Variants in CASK observed in about 807,000 individuals in gnomAD.
The protein encoded by CASK is calcium/calmodulin dependent serine protein kinase, also known as peripheral plasma membrane protein CASK.
A neutral mutation model predicts 82.9 loss-of-function variants in CASK; 4 were observed. The observed-to-expected ratio is 0.05, with a 90% CI of 0.02 to 0.11. The LOEUF is 0.11. Ranked by LOEUF, CASK falls within the 10% of genes least tolerant of loss-of-function variation. The pLI is 1.00. For missense variants in CASK, 358 were observed against 720.9 expected, an observed-to-expected ratio of 0.50 and a Z score of 5.76; for synonymous variants, 259 against 253.5, an observed-to-expected ratio of 1.02 and a Z score of -0.20.
At chrX:41,846,609 T>C (rs1274223328) in intron 2 of CASK, among the ~76,000 whole-genome samples, 4 of 111,867 alleles carry the variant, frequency 3.6e-5, no homozygotes, top group African/African-American at 1.3e-4. Flanking sequence ...TATAACTGGA[T>C]TGTTTGTAAC....
At chrX:41,909,615 G>GT (rs1336989590) in intron 1 of CASK, among the ~76,000 whole-genome samples, 66 of 104,829 alleles carry the variant, frequency 6.3e-4, no homozygotes, top group Middle Eastern at 4.9e-3. Context: ...TTCTTGTTTT[G>GT]TTTTTTTTTT....
intron 26 of CASK, among the ~76,000 whole-genome samples, chrX:41,521,507 A>G (rs1569281546): frequency 8.9e-6 from 1 of 112,287 alleles, no homozygotes; most frequent in Admixed American, 9.4e-5. Flanking sequence ...GGGATCCAAC[A>G]GGAGGAGGGA....
In CASK at chrX:41,671,495, C is replaced by T. The variant is rs1394766051; in HGVS notation, c.465G>A (p.Ser155=). Residue 155 remains serine, a synonymous_variant, in exon 6 of 27, where the codon TCG becomes TCA. Coordinates refer to ENST00000378163, the MANE Select transcript of CASK (RefSeq NM_001367721.1). ...CAAAGCCTCCAAGTTTAACAGGTGC[C>T]GAGTTTTCTTTTGAGGCAAGGAGAA... The part of the protein sequence containing the change: ...HCVLLASKEN[S]APVKLGGFGV... 3.3e-6 allele frequency: 4 copies of T among 1,203,555 alleles called. No individual in the cohort carries two copies. The highest frequency in any genetic ancestry group is 2.2e-5 in the Admixed American group (1 of 45,465).
At chrX:41,891,571 T>C in intron 1 of CASK, among the ~76,000 whole-genome samples, 1 of 111,986 alleles carries the variant, frequency 8.9e-6, no homozygotes, top group East Asian at 2.8e-4. Flanking sequence ...AGTTAAAATA[T>C]TGAAGAGATA....
intron 10 of CASK, chrX:41,624,241 AT>A (rs745700430): frequency 5.8e-6 from 2 of 347,491 alleles, no homozygotes; most frequent in African/African-American, 5.2e-5. Flanking sequence ...AGGGAACAAA[AT>A]GGAGTGGAAG....
intron 1 of CASK, among the ~76,000 whole-genome samples, chrX:41,907,311 C>A (rs1310326902): frequency 8.9e-6 from 1 of 111,969 alleles, no homozygotes; most frequent in East Asian, 2.8e-4. Context: ...AACACTTTTG[C>A]CTGACCTTGC....
chrX:41,626,932 C>T (rs989548018), intron 9 of CASK, among the ~76,000 whole-genome samples: 25 of 111,824 alleles, frequency 2.2e-4, no homozygotes, highest in African/African-American at 7.5e-4. Context: ...AAACCACTTA[C>T]ATCTTGAATT....
intron 15 of CASK, chrX:41,571,096 C>T (rs190993151): frequency 8.9e-6 from 1 of 112,130 alleles, no homozygotes; most frequent in Non-Finnish European, 1.9e-5. Context: ...TTTACATCTA[C>T]ATTCATGAGG....
intron 2 of CASK, among the ~76,000 whole-genome samples, chrX:41,849,256 C>T (rs1442854996): frequency 1.8e-5 from 2 of 112,046 alleles, no homozygotes; most frequent in African/African-American, 6.5e-5. Context: ...CAATTCTATA[C>T]ATCTTACTTT....
At chrX:41,615,613 T>C (rs1244870433) in intron 11 of CASK, among the ~76,000 whole-genome samples, 2 of 111,433 alleles carry the variant, frequency 1.8e-5, no homozygotes, top group African/African-American at 6.5e-5. Context: ...TCAGTTATCT[T>C]ACTGAAATCT....
At chrX:41,522,860 G>A (rs1044032053) in intron 26 of CASK, 1 of 112,641 alleles carries the variant, frequency 8.9e-6, no homozygotes, top group South Asian at 3.6e-4. Flanking sequence ...ACTCACACGT[G>A]AGCAGGGTTT....
intron 21 of CASK, among the ~76,000 whole-genome samples, chrX:41,551,226 G>C (rs1424227769): frequency 8.9e-6 from 1 of 112,037 alleles, no homozygotes; most frequent in African/African-American, 3.2e-5. Flanking sequence ...AGCTCCCCTG[G>C]CTGCCCCAGG....
At chrX:41,880,809 CTTACACTTTA>C (rs2071936911) in intron 1 of CASK, among the ~76,000 whole-genome samples, 1 of 111,497 alleles carries the variant, frequency 9.0e-6, no homozygotes. Context: ...TAGGCCAATC[CTTACACTTTA>C]TTTAACAATG....
At chrX:41,594,799 C>G (rs2065795351) in intron 12 of CASK, among the ~76,000 whole-genome samples, 1 of 111,766 alleles carries the variant, frequency 8.9e-6, no homozygotes, top group South Asian at 3.8e-4. Context: ...TTTCTGAGAC[C>G]AGGTGCTGAG....
In CASK at chrX:41,727,105, A is replaced by T. The variant is rs2068274339; in HGVS notation, c.429+12279T>A. 2 of 1,175,448 alleles carry T rather than the reference A, an allele frequency of 1.7e-6. No individual in the cohort carries two copies. Among genetic ancestry groups the T allele is most frequent in the Admixed American group, 2.2e-5 (1 of 45,586 alleles). ...ACCAATCATTTACATCCTCCTTTGT[A>T]TTGTTGGTGTTTTTGGAAACACTCT... On this transcript the variant is annotated intron_variant, in intron 5 of 26. Coordinates refer to ENST00000378163, the MANE Select transcript of CASK (RefSeq NM_001367721.1).
intron 25 of CASK, among the ~76,000 whole-genome samples, chrX:41,530,040 T>A (rs1371145345): frequency 8.9e-6 from 1 of 111,793 alleles, no homozygotes; most frequent in Non-Finnish European, 1.9e-5. Flanking sequence ...AGCCTCCTGA[T>A]GAAACACAGC....
intron 22 of CASK, among the ~76,000 whole-genome samples, chrX:41,536,218 A>G (rs2064871833): frequency 9.0e-6 from 1 of 110,617 alleles, no homozygotes; most frequent in South Asian, 3.8e-4. Context: ...CCCAGGTTCA[A>G]GCGATTCTCC....
At chrX:41,548,675 T>C (rs1244651901) in intron 21 of CASK, among the ~76,000 whole-genome samples, 1 of 111,873 alleles carries the variant, frequency 8.9e-6, no homozygotes, top group Admixed American at 9.5e-5. Flanking sequence ...CAAGTCAATA[T>C]GTGCTATTAG....
intron 16 of CASK, among the ~76,000 whole-genome samples, chrX:41,565,751 C>T (rs2065304125): frequency 9.0e-6 from 1 of 111,644 alleles, no homozygotes; most frequent in African/African-American, 3.3e-5. Context: ...CAACATCATC[C>T]TGATACCAAA....
Sources: allele counts gnomAD v4.1 joint callset (sites outside exome capture counted in the v4.1 genomes callset), GRCh38; gene constraint gnomAD v4.1.1; transcripts MANE v1.5; gene names NCBI Gene and HGNC (gene_info 2026-07-23, HGNC 2026-07-21).